Variants in LEPR observed in about 807,000 individuals in gnomAD.
LEPR encodes OB receptor.
Under a neutral mutation model 114.7 loss-of-function variants are expected in LEPR, and 56 were observed. The observed-to-expected ratio is 0.49, with a 90% CI of 0.39 to 0.61. The LOEUF is 0.61. Ranked by LOEUF, LEPR falls within the 20% of genes least tolerant of loss-of-function variation. LEPR has a pLI of 0.00. For synonymous variants in LEPR, 443 were observed against 461.4 expected (o/e 0.96, Z 0.51); for missense variants, 1,202 against 1,352.9 (o/e 0.89, Z 1.75).
chr1:65,438,008 A>T (rs534191431), intron 2 of LEPR, among the ~76,000 whole-genome samples: 9 of 151,396 alleles, frequency 5.9e-5, no homozygotes, highest in African/African-American at 2.2e-4. Context: ...AAGTTTCCCT[A>T]CATTGACCAG....
intron 19 of LEPR, among the ~76,000 whole-genome samples, chr1:65,632,148 T>A (rs1288968395): frequency 6.6e-6 from 1 of 152,130 alleles, no homozygotes; most frequent in African/African-American, 2.4e-5. Context: ...ATAAAGCAGC[T>A]CAATAACCCG....
intron 5 of LEPR, among the ~76,000 whole-genome samples, chr1:65,575,262 C>CTTAAGTGGCTGAGT (rs1654503988): frequency 6.8e-6 from 1 of 147,630 alleles, no homozygotes; most frequent in African/African-American, 2.7e-5. Context: ...TTGCAGAGTT[C>CTTAAGTGGCTGAGT]CAGCCCCAGC....
chr1:65,443,699 G>A (rs371505550), intron 2 of LEPR, among the ~76,000 whole-genome samples: 21 of 152,110 alleles, frequency 1.4e-4, no homozygotes, highest in Admixed American at 4.6e-4. Context: ...ACCTAGAATA[G>A]TGCCTGACAC....
chr1:65,432,354 C>T (rs1646497799), intron 2 of LEPR: 1 of 976,272 alleles, frequency 1.0e-6, no homozygotes, highest in Non-Finnish European at 1.2e-6. Flanking sequence ...GCCCACAGAC[C>T]AAGAGCCTCA....
In LEPR at chr1:65,558,501, G is replaced by GTTTTTTTTTTTTTTTT. The variant is rs781558613; in HGVS notation, c.-20-7030_-20-7029insTTTTTTTTTTTTTTTT. 5.2e-4 allele frequency among the ~76,000 whole-genome samples: 12 copies of GTTTTTTTTTTTTTTTT among 23,152 alleles called. 4 individuals carry two copies. Among genetic ancestry groups the GTTTTTTTTTTTTTTTT allele is most frequent in the Admixed American group, 1.1e-3 (2 of 1,826 alleles). The allele number at this position is 23,152 out of a possible 152,430, so 15.2% of individuals were successfully genotyped here. ...TGAGTCATGAGACATGTTTCTTAAT[G>GTTTTTTTTTTTTTTTT]TTTTTTTTTTTTTTTGAATCAGAAG... On this transcript the variant is annotated intron_variant, in intron 2 of 19. Transcript: ENST00000349533.
At chr1:65,420,655 G>A, upstream of LEPR, 3 of 1,541,328 alleles carry the variant, frequency 1.9e-6, no homozygotes, top group East Asian at 2.5e-5. Context: ...GCGACTCCCG[G>A]TCTGGCTTGG....
chr1:65,505,863 C>G (rs567519912), intron 2 of LEPR, among the ~76,000 whole-genome samples: 1 of 151,788 alleles, frequency 6.6e-6, no homozygotes, highest in South Asian at 2.1e-4. Flanking sequence ...CTGACTGATG[C>G]AATTAGTCTA....
intron 2 of LEPR, among the ~76,000 whole-genome samples, chr1:65,474,994 G>A (rs1362454951): frequency 1.8e-5 from 2 of 112,350 alleles, no homozygotes; most frequent in African/African-American, 3.5e-5. Flanking sequence ...GCGACAGTGC[G>A]AGACTCCATC....
At chr1:65,622,871 TTC>T (rs1657968627) in intron 18 of LEPR, 33 bp from the exon 19 acceptor site, 3 of 1,609,186 alleles carry the variant, frequency 1.9e-6, no homozygotes. Flanking sequence ...ATGGATGTTT[TTC>T]TCTAATTTTG....
chr1:65,492,345 C>T (rs1233826203), intron 2 of LEPR, among the ~76,000 whole-genome samples: 1 of 151,996 alleles, frequency 6.6e-6, no homozygotes, highest in East Asian at 1.9e-4. Flanking sequence ...TTAGCTTAGG[C>T]TCTCTTCTTT....
chr1:65,487,942 CTCCT>C (rs1173036530), intron 2 of LEPR, among the ~76,000 whole-genome samples: 2 of 138,744 alleles, frequency 1.4e-5, no homozygotes, highest in Non-Finnish European at 3.1e-5. Context: ...TTCTTTTGCT[CTCCT>C]TCCTTCCTTT....
At chr1:65,519,067 C>T (rs1032326675) in intron 2 of LEPR, among the ~76,000 whole-genome samples, 1 of 143,056 alleles carries the variant, frequency 7.0e-6, no homozygotes, top group Non-Finnish European at 1.5e-5. Context: ...TCCTTCCTTC[C>T]TTCCTTCCTT....
intron 11 of LEPR, among the ~76,000 whole-genome samples, chr1:65,605,908 A>G (rs1008591565): frequency 5.3e-5 from 8 of 152,178 alleles, no homozygotes; most frequent in African/African-American, 9.6e-5. Context: ...GCTTTTGTAG[A>G]TCTTTTCTAA....
At chr1:65,561,562 C>G (rs1653303737) in intron 2 of LEPR, among the ~76,000 whole-genome samples, 1 of 59,234 alleles carries the variant, frequency 1.7e-5, no homozygotes, top group African/African-American at 8.4e-5. Context: ...TTCAGTTCTG[C>G]TCTGATTTTA....
intron 2 of LEPR, among the ~76,000 whole-genome samples, chr1:65,518,895 T>C (rs796543931): frequency 0.024 from 2,078 of 87,994 alleles, 30 homozygotes; most frequent in Middle Eastern, 0.068. Flanking sequence ...CTTTCTTTCT[T>C]TCTTTCTTTC....
chr1:65,637,155 C>T lies in LEPR; in HGVS notation c.*140C>T. 9.7e-7 allele frequency: 1 copy of T among 1,030,448 alleles called. No individual in the cohort carries two copies. The highest frequency in any genetic ancestry group is 1.6e-5 in the African/African-American group (1 of 62,028). 63.8% of individuals were successfully genotyped at this position (1,030,448 alleles called of 1,614,324 possible). ...TCCAAATGAATGTTGTCTGTTTGTT[C>T]TCTCTTAGTAACATAGACAAAAAAT... On this transcript the variant is annotated 3_prime_UTR_variant, in exon 20 of 20. Coordinates refer to ENST00000349533, the MANE Select transcript of LEPR (RefSeq NM_002303.6).
chr1:65,592,002 A>G (rs1486406538), intron 5 of LEPR, among the ~76,000 whole-genome samples: 2 of 151,738 alleles, frequency 1.3e-5, no homozygotes, highest in African/African-American at 2.4e-5. Flanking sequence ...CATTTATAAT[A>G]TTTGTCTTCA....
At chr1:65,555,113 G>T (rs1462467177) in intron 2 of LEPR, among the ~76,000 whole-genome samples, 1 of 152,126 alleles carries the variant, frequency 6.6e-6, no homozygotes. Context: ...CCTGCCTCCT[G>T]CGTTGATCTC....
chr1:65,484,160 A>G (rs536239033), intron 2 of LEPR, among the ~76,000 whole-genome samples: 1 of 152,072 alleles, frequency 6.6e-6, no homozygotes, highest in Non-Finnish European at 1.5e-5. Flanking sequence ...CCTGGCCTTT[A>G]CACTTTTTTA....
Sources: allele counts gnomAD v4.1 joint callset (sites outside exome capture counted in the v4.1 genomes callset), GRCh38; gene constraint gnomAD v4.1.1; transcripts MANE v1.5; gene names NCBI Gene and HGNC (gene_info 2026-07-23, HGNC 2026-07-21).